The following HEATR5B variants were observed in gnomAD, a reference collection of about 807,000 sequenced individuals.
HEATR5B encodes the protein HEAT repeat containing 5B.
HEATR5B carries 156 observed loss-of-function variants against 224.1 expected under a neutral mutation model. The observed-to-expected ratio is 0.70, with a 90% CI of 0.61 to 0.80. HEATR5B has a LOEUF of 0.80. HEATR5B is among the 30% of genes least tolerant of loss of function. The pLI is 0.00. For missense variants in HEATR5B, 2,323 were observed against 2,535.5 expected (o/e 0.92, Z 1.80); for synonymous variants, 1,027 against 893.0 (o/e 1.15, Z -2.68).
intron 21 of HEATR5B, among the ~76,000 whole-genome samples, chr2:37,034,984 T>C (rs1195015032): frequency 1.3e-5 from 2 of 152,248 alleles, no homozygotes; most frequent in Non-Finnish European, 2.9e-5. Context: ...ACTTAGTCTC[T>C]TGAAGTTTCT....
intron 28 of HEATR5B, 33 bp from the exon 29 acceptor site, chr2:37,007,337 CTTTTTTTTTTTTTTTT>C (rs3080796): frequency 1.4e-5 from 17 of 1,176,142 alleles, no homozygotes; most frequent in African/African-American, 2.2e-5. Context: ...AAAAACATTA[CTTTTTTTTTTTTTTTT>C]TTTTTTTTGA....
At chr2:37,031,491 G>A (rs1405761444) in intron 22 of HEATR5B, among the ~76,000 whole-genome samples, 1 of 135,934 alleles carries the variant, frequency 7.4e-6, no homozygotes, top group African/African-American at 2.8e-5. Flanking sequence ...GGTTGGACTT[G>A]AACTCCTGGG....
rs1297802996 is a variant in HEATR5B, at chr2:37,070,299, T to TA, written c.857dup (p.Leu286PhefsTer15). On this transcript the variant is annotated frameshift_variant, in exon 7 of 36. Coordinates refer to ENST00000233099, the MANE Select transcript of HEATR5B (RefSeq NM_019024.3). LOFTEE classifies it high-confidence loss of function. ...CTTTTAACATTTCTCCACCGCTCTT[T>TA]AAGAAACCTGACCCTCCACGCAGAA... 2 of 1,614,152 alleles carry TA rather than the reference T, an allele frequency of 1.2e-6. No homozygotes were observed. Among genetic ancestry groups the TA allele is most frequent in the Non-Finnish European group, 1.7e-6 (2 of 1,180,006 alleles).
At position 37,070,263 on chromosome 2, in the gene HEATR5B, G is replaced by C. The variant is rs369470929; in HGVS notation, c.894C>G (p.Ser298=). The C allele has an allele frequency of 1.2e-6, 2 of 1,613,756 alleles. No individual in the cohort carries two copies. The highest frequency in any genetic ancestry group is 3.3e-5 in the Admixed American group (2 of 59,966). ...SGGEMLKVGG[S]VNREVRVGVT... is the part of the protein sequence containing the mutation. The stretch of plus-strand genomic sequence containing the variant: ...CTCCAACTCTCACTTCACGATTAAC[G>C]GACCCTCCAACTTTTAACATTTCTC... Residue 298 remains serine, a synonymous_variant, in exon 7 of 36, where the codon TCC becomes TCG. Transcript: ENST00000233099.
chr2:37,019,940 A>G (rs1352591202), intron 25 of HEATR5B, 63 bp from the exon 26 acceptor site: 22 of 1,205,920 alleles, frequency 1.8e-5, no homozygotes, highest in South Asian at 1.1e-4. Context: ...GTCTTACTCT[A>G]TCACCCAGGC....
rs116763540 is a variant in HEATR5B, at chr2:37,037,876, A to C, written c.3195T>G (p.Ser1065=). 5.1e-4 allele frequency: 818 copies of C among 1,588,996 alleles called. 5 individuals are homozygous for C. In the African/African-American group the frequency reaches 0.011, roughly 20 times the overall value. ...HMFAPRHVNL[S]SLVPSLCVHL... Reference sequence around the variant, plus strand: ...TTACACAAAGGCTAGGAACAAGGCTAGATAGATTGACATGTCGTGGTGCAA... The same window carrying C: ...TTACACAAAGGCTAGGAACAAGGCTCGATAGATTGACATGTCGTGGTGCAA... Residue 1065 remains serine, a synonymous_variant, in exon 21 of 36, where the codon TCT becomes TCG. Transcript: ENST00000233099.
At chr2:37,077,363 C>T (rs549197245) in intron 3 of HEATR5B, among the ~76,000 whole-genome samples, 1 of 152,088 alleles carries the variant, frequency 6.6e-6, no homozygotes, top group East Asian at 1.9e-4. Flanking sequence ...CGCTGGAGTG[C>T]AGTGGTGTGG....
intron 18 of HEATR5B, among the ~76,000 whole-genome samples, chr2:37,043,322 A>C (rs1669993364): frequency 1.3e-5 from 2 of 152,270 alleles, no homozygotes; most frequent in Non-Finnish European, 2.9e-5. Flanking sequence ...CATTCAAAGC[A>C]AAAGTGGACT....
At chr2:37,081,894 C>T (rs1672593215) in intron 2 of HEATR5B, among the ~76,000 whole-genome samples, 1 of 57,446 alleles carries the variant, frequency 1.7e-5, no homozygotes, top group African/African-American at 4.2e-5. Flanking sequence ...TGGGGAATGA[C>T]TAGCCTACAG....
chr2:37,026,559 T>C (rs1228461930), intron 24 of HEATR5B, among the ~76,000 whole-genome samples: 1 of 152,232 alleles, frequency 6.6e-6, no homozygotes, highest in East Asian at 1.9e-4. Flanking sequence ...ATACTACTAC[T>C]GGGACACGCC....
At chr2:37,036,482 A>T (rs572272932) in intron 21 of HEATR5B, among the ~76,000 whole-genome samples, 1 of 150,674 alleles carries the variant, frequency 6.6e-6, no homozygotes, top group South Asian at 2.1e-4. Context: ...ACTAATTCCT[A>T]TGTACTCTGC....
intron 35 of HEATR5B, among the ~76,000 whole-genome samples, chr2:36,986,475 T>C (rs192251162): frequency 1.7e-3 from 255 of 152,352 alleles, no homozygotes; most frequent in African/African-American, 5.5e-3. Context: ...AGAGGAGCTA[T>C]TGAAATCGCT....
rs987337086 is a variant in HEATR5B, at chr2:37,007,185, C to G, written c.4642G>C (p.Glu1548Gln). Residue 1548 changes from glutamate (E) to glutamine (Q), a missense_variant, in exon 29 of 36, where the codon GAG (glutamate) becomes CAG (glutamine). This residue lies in a region of HEATR5B where 844 missense variants were observed against 812.9 expected (regional missense o/e 1.04). Transcript: ENST00000233099. ...GATATTGCTGCTGCTTCTGTAGACTCTGAGCACGTAAATCCTGTGCTATTT... is the reference window on the plus strand; with the variant it reads ...GATATTGCTGCTGCTTCTGTAGACTGTGAGCACGTAAATCCTGTGCTATTT... ...WLNSTGFTCS[E>Q]STEAAAISGL... The G allele has an allele frequency of 1.2e-6, 2 of 1,614,128 alleles. No individual in the cohort carries two copies. Among genetic ancestry groups the G allele is most frequent in the East Asian group, 2.2e-5 (1 of 44,884 alleles).
At chr2:37,006,931 T>C in intron 29 of HEATR5B, 119 bp downstream of exon 29, 1 of 892,648 alleles carries the variant, frequency 1.1e-6, no homozygotes, top group Non-Finnish European at 1.6e-6. Flanking sequence ...TGAAAAATCC[T>C]TTCACTTTTC....
chr2:37,015,135 G>C (rs899471767), intron 26 of HEATR5B, among the ~76,000 whole-genome samples: 1 of 152,186 alleles, frequency 6.6e-6, no homozygotes, highest in Non-Finnish European at 1.5e-5. Flanking sequence ...GGAGGAATGG[G>C]AATGTTTAGG....
intron 17 of HEATR5B, among the ~76,000 whole-genome samples, chr2:37,052,585 C>T (rs1670629919): frequency 6.6e-6 from 1 of 152,222 alleles, no homozygotes; most frequent in Non-Finnish European, 1.5e-5. Context: ...AAGTTGAGAA[C>T]TTTCTCTTCT....
chr2:37,028,610 C>CA (rs1668927116), intron 23 of HEATR5B, 71 bp downstream of exon 23: 1 of 1,214,874 alleles, frequency 8.2e-7, no homozygotes. Flanking sequence ...TATCTTTATA[C>CA]ATATATCTAT....
At chr2:37,061,212 C>T (rs1671261376) in intron 11 of HEATR5B, among the ~76,000 whole-genome samples, 1 of 152,064 alleles carries the variant, frequency 6.6e-6, no homozygotes, top group South Asian at 2.1e-4. Flanking sequence ...CATGGAAAGG[C>T]AATATATTCA....
intron 21 of HEATR5B, among the ~76,000 whole-genome samples, chr2:37,033,107 C>T (rs1861461): frequency 2.6e-3 from 397 of 152,080 alleles, no homozygotes; most frequent in African/African-American, 9.4e-3. Flanking sequence ...TTTCGAACTC[C>T]TGACCTCGTG....
Sources: gnomAD v4.1 joint callset for allele counts (sites outside exome capture counted in the v4.1 genomes callset) on GRCh38, gnomAD v4.1.1 for gene constraint, gnomAD v4.1.1 regional missense constraint, MANE v1.5 for transcripts, NCBI Gene and HGNC (gene_info 2026-07-23, HGNC 2026-07-21) for gene names.